The following ABHD10 variants were observed in gnomAD, a reference collection of about 807,000 sequenced individuals.
ABHD10 encodes palmitoyl-protein thioesterase ABHD10, mitochondrial.
Under a neutral mutation model 33.1 loss-of-function variants are expected in ABHD10, and 22 were observed. The ratio of observed to expected loss-of-function variants is 0.66; its 90% CI spans 0.47 to 0.95. The LOEUF is 0.95. Among genes scored for constraint, ABHD10 ranks in the 40% least tolerant of loss-of-function variants. ABHD10 has a pLI of 0.00. For synonymous variants in ABHD10, 146 were observed against 133.9 expected, an observed-to-expected ratio of 1.09 and a Z score of -0.62; for missense variants, 352 against 379.9, an observed-to-expected ratio of 0.93 and a Z score of 0.61.
chr3:111,987,394 G>T (rs2072681276), intron 4 of ABHD10, among the ~76,000 whole-genome samples: 1 of 151,588 alleles, frequency 6.6e-6, no homozygotes, highest in African/African-American at 2.4e-5. Context: ...TCTCCTTTTG[G>T]TCCTCTTACT....
intron 2 of ABHD10, among the ~76,000 whole-genome samples, chr3:111,985,533 A>G (rs975671939): frequency 6.6e-6 from 1 of 152,212 alleles, no homozygotes; most frequent in African/African-American, 2.4e-5. Flanking sequence ...TTTCATTCTA[A>G]TGTGGGAGAT....
At position 111,991,374 on chromosome 3, in the gene ABHD10, T is replaced by C. The variant is rs2072736912; in HGVS notation, c.577-3T>C. On this transcript the variant is annotated splice_polypyrimidine_tract_variant and splice_region_variant and intron_variant, in intron 4 of 4. Coordinates refer to ENST00000273359, the MANE Select transcript of ABHD10 (RefSeq NM_018394.4). ...CTTTTATTTTTCTTTCTTTTTCCAATAGCTAAAAAAGGAAGTAGAGATGAA... is the reference window on the plus strand; with the variant it reads ...CTTTTATTTTTCTTTCTTTTTCCAACAGCTAAAAAAGGAAGTAGAGATGAA... 1 of 1,590,120 alleles carries C rather than the reference T, an allele frequency of 6.3e-7. No individual in the cohort carries two copies. The highest frequency in any genetic ancestry group is 1.2e-5 in the South Asian group (1 of 85,450).
intron 4 of ABHD10, among the ~76,000 whole-genome samples, chr3:111,987,792 GCTGA>G (rs771298178): frequency 2.0e-5 from 3 of 152,156 alleles, no homozygotes; most frequent in Non-Finnish European, 2.9e-5. Flanking sequence ...AATATGGAGA[GCTGA>G]CTGTCTTTGT....
intron 2 of ABHD10, among the ~76,000 whole-genome samples, chr3:111,983,914 A>G (rs1431850803): frequency 1.3e-5 from 2 of 152,154 alleles, no homozygotes; most frequent in African/African-American, 4.8e-5. Context: ...AGTGCTGAAT[A>G]TGTTTGGATT....
Position 111,991,713 on chromosome 3 carries a change from G to T in ABHD10, c.913G>T (p.Val305Phe). 1 of 1,609,054 alleles carries T rather than the reference G, an allele frequency of 6.2e-7. No homozygotes were observed. The highest frequency in any genetic ancestry group is 8.5e-7 in the Non-Finnish European group (1 of 1,176,928). The change falls in exon 5 of 5, where the codon GTT (valine) becomes TTT (phenylalanine). Residue 305 changes from valine to phenylalanine, a missense_variant. Transcript: ENST00000273359. ...CTTAATTGATAAGCTCTCAACTATA[G>T]TTAACTAGTATCACATGTTTAGTTG... The part of the protein sequence containing the change: ...DDLIDKLSTI[V>F]N
chr3:111,989,892 A>G (rs1037650539), intron 4 of ABHD10, among the ~76,000 whole-genome samples: 9 of 152,104 alleles, frequency 5.9e-5, no homozygotes, highest in African/African-American at 1.9e-4. Context: ...TGTCATACAT[A>G]TTTTTTAAGT....
intron 2 of ABHD10, 101 bp downstream of exon 2, chr3:111,982,068 AC>A: frequency 1.1e-6 from 1 of 934,020 alleles, no homozygotes; most frequent in Non-Finnish European, 1.4e-6. Context: ...GCATTTTTAT[AC>A]ATTATTTTAA....
At chr3:111,986,768 T>A in intron 3 of ABHD10, 146 bp from the exon 4 acceptor site, 1 of 688,272 alleles carries the variant, frequency 1.5e-6, no homozygotes, top group Non-Finnish European at 2.2e-6. Flanking sequence ...AATGTTTTTA[T>A]TTAATTTAAA....
In ABHD10 at chr3:111,992,610, G is replaced by A. The variant is rs1576071256; in HGVS notation, c.*889G>A. The A allele has an allele frequency of 6.6e-6, 1 of 152,088 alleles. No individual in the cohort carries two copies. The highest frequency in any genetic ancestry group is 2.4e-5 in the African/African-American group (1 of 41,504). The allele number at this position is 152,088 out of a possible 1,614,324, so 9.4% of individuals were successfully genotyped here. A position where few individuals can be genotyped will look rare whatever the true frequency, so the allele number is the denominator to read the frequency against. Reference sequence around the variant, plus strand: ...TTCTTTCCTAAATAACTAAAGTGAGGTGTAGATTGAGCCTTGATATTATTT... The same window carrying A: ...TTCTTTCCTAAATAACTAAAGTGAGATGTAGATTGAGCCTTGATATTATTT... On this transcript the variant is annotated 3_prime_UTR_variant, in exon 5 of 5. Transcript: ENST00000273359.
intron 4 of ABHD10, chr3:111,990,763 A>T: frequency 7.7e-7 from 1 of 1,293,900 alleles, no homozygotes; most frequent in South Asian, 1.8e-5. Flanking sequence ...TATGTGTATG[A>T]TTGTTACAAT....
intron 3 of ABHD10, 119 bp from the exon 4 acceptor site, chr3:111,986,795 A>G: frequency 1.3e-6 from 1 of 741,660 alleles, no homozygotes; most frequent in East Asian, 3.1e-5. Flanking sequence ...ATCCATTTTG[A>G]TATTTGATTT....
intron 2 of ABHD10, 196 bp downstream of exon 2, chr3:111,982,163 G>A (rs2289597): frequency 0.098 from 39,852 of 407,858 alleles, 3,083 homozygotes; most frequent in East Asian, 0.34. Flanking sequence ...TTTGTGCCAC[G>A]CTGACAACCC....
At position 111,981,344 on chromosome 3, in the gene ABHD10, A is replaced by G. The variant is rs543078396; in HGVS notation, c.143-440A>G. On this transcript the variant is annotated intron_variant, in intron 1 of 4. Coordinates refer to ENST00000273359, the MANE Select transcript of ABHD10 (RefSeq NM_018394.4). ...AAAAAAAAAAAAAAAGAAAGAAAATAAGGGATGTGAAACTTGTCAAACAAA... is the reference window on the plus strand; with the variant it reads ...AAAAAAAAAAAAAAAGAAAGAAAATGAGGGATGTGAAACTTGTCAAACAAA... Among the ~76,000 whole-genome samples, 7 of 151,560 alleles carry G rather than the reference A, an allele frequency of 4.6e-5. No individual in the cohort carries two copies. In the East Asian group the frequency reaches 1.3e-3, roughly 29 times the overall value.
intron 4 of ABHD10, among the ~76,000 whole-genome samples, chr3:111,989,501 C>G (rs1177611011): frequency 5.9e-5 from 9 of 152,154 alleles, no homozygotes; most frequent in Non-Finnish European, 1.3e-4. Flanking sequence ...GGTAGCAGAG[C>G]TAGTTGGGGG....
chr3:111,986,526 C>G, intron 3 of ABHD10, 151 bp downstream of exon 3: 1 of 553,582 alleles, frequency 1.8e-6, no homozygotes, highest in African/African-American at 1.9e-5. Flanking sequence ...AGCTCTGCCT[C>G]CCGGGTTCAC....
chr3:111,986,791 T>G, intron 3 of ABHD10, 123 bp from the exon 4 acceptor site: 1 of 733,624 alleles, frequency 1.4e-6, no homozygotes, highest in Non-Finnish European at 2.0e-6. Context: ...TTTAATCCAT[T>G]TTGATATTTG....
chr3:111,986,727 A>G (rs2072668870), intron 3 of ABHD10, among the ~76,000 whole-genome samples, 187 bp from the exon 4 acceptor site: 1 of 152,072 alleles, frequency 6.6e-6, no homozygotes, highest in South Asian at 2.1e-4. Flanking sequence ...GAGCCACCAC[A>G]CCCGGCCTAA....
chr3:111,986,912 A>T lies in ABHD10; in HGVS notation c.439-2A>T. 1 of 1,574,986 alleles carries T rather than the reference A, an allele frequency of 6.3e-7. No individual in the cohort carries two copies. Among genetic ancestry groups the T allele is most frequent in the African/African-American group, 1.4e-5 (1 of 72,556 alleles). ...TAATGTTTTATTTTATTTTATTTTT[A>T]GATTCTTGTTGGATCTAGCCTTGGA... On this transcript the variant is annotated splice_acceptor_variant, in intron 3 of 4. Transcript: ENST00000273359. LOFTEE classifies it high-confidence loss of function.
chr3:111,990,819 T>C, intron 4 of ABHD10: 1 of 880,098 alleles, frequency 1.1e-6, no homozygotes, highest in South Asian at 2.8e-5. Context: ...TTTGATTCTT[T>C]CTCTTCTTTC....
Sources: allele counts gnomAD v4.1 joint callset (sites outside exome capture counted in the v4.1 genomes callset), GRCh38; gene constraint gnomAD v4.1.1; transcripts MANE v1.5; gene names NCBI Gene and HGNC (gene_info 2026-07-23, HGNC 2026-07-21).